NMNAT3: variants seen among roughly 807,000 people sequenced by gnomAD.
NMNAT3 encodes the protein nicotinamide nucleotide adenylyltransferase 3, also known as nicotinamide/nicotinic acid mononucleotide adenylyltransferase 3.
A neutral mutation model predicts 24.8 loss-of-function variants in NMNAT3; 21 were observed. The ratio of observed to expected loss-of-function variants is 0.85; its 90% CI spans 0.60 to 1.22. NMNAT3 has a LOEUF of 1.22. NMNAT3 is among the 50% of genes most tolerant of loss of function. NMNAT3 has a pLI of 0.00. For missense variants in NMNAT3, 387 were observed against 436.6 expected (o/e 0.89, Z 1.01); for synonymous variants, 136 against 155.2 (o/e 0.88, Z 0.92).
At chr3:139,587,800 G>C (rs990883360) in intron 3 of NMNAT3, among the ~76,000 whole-genome samples, 1 of 152,164 alleles carries the variant, frequency 6.6e-6, no homozygotes, top group African/African-American at 2.4e-5. Flanking sequence ...AAAAGAAATG[G>C]GGGTTGGGAG....
At chr3:139,631,222 C>T (rs2056283989) in intron 2 of NMNAT3, among the ~76,000 whole-genome samples, 1 of 151,994 alleles carries the variant, frequency 6.6e-6, no homozygotes, top group Non-Finnish European at 1.5e-5. Context: ...GTGCACATTC[C>T]CAGGATCAGT....
rs186563486 is a variant in NMNAT3, at chr3:139,581,136, C to T, written c.391+1791G>A. On this transcript the variant is annotated intron_variant, in intron 4 of 6. Transcript: ENST00000643695. ...TCAGACAATTGACCTGTCCTCTTCA[C>T]AAAAGTCTAAGTCATGAAAAACAAA... is the stretch of plus-strand genomic sequence containing the variant. Among the ~76,000 whole-genome samples the T allele has an allele frequency of 7.9e-5, 12 of 152,102 alleles. No individual in the cohort carries two copies. In the East Asian group the frequency reaches 2.3e-3, roughly 29 times the overall value.
rs191560878 is a variant in NMNAT3, at chr3:139,671,567, T to C, written c.-141+6138A>G. Among the ~76,000 whole-genome samples, 44 of 152,106 alleles carry C rather than the reference T, an allele frequency of 2.9e-4. No individual in the cohort carries two copies. In the East Asian group the frequency reaches 7.9e-3, roughly 27 times the overall value. ...TTATCATCGACGGTCCTTTGATTAC[T>C]TACAAAACACAACATGAGTAACAGA... On this transcript the variant is annotated intron_variant, in intron 1 of 6. Transcript: ENST00000643695.
At chr3:139,670,189 A>T (rs2057713287) in intron 1 of NMNAT3, among the ~76,000 whole-genome samples, 1 of 152,172 alleles carries the variant, frequency 6.6e-6, no homozygotes, top group South Asian at 2.1e-4. Context: ...GATAATGTTC[A>T]TGGTGTTAAA....
intron 3 of NMNAT3, among the ~76,000 whole-genome samples, chr3:139,614,061 T>C (rs1006155067): frequency 1.3e-5 from 2 of 151,844 alleles, no homozygotes; most frequent in East Asian, 1.9e-4. Flanking sequence ...GGGTGCAGCA[T>C]ACCAACATGG....
At chr3:139,578,639 T>G (rs1473753481) in intron 5 of NMNAT3, among the ~76,000 whole-genome samples, 2 of 152,242 alleles carry the variant, frequency 1.3e-5, no homozygotes, top group Non-Finnish European at 2.9e-5. Context: ...GTTGGGTGTT[T>G]CCACAAAGTG....
At chr3:139,572,513 C>T (rs1938556327) in intron 6 of NMNAT3, among the ~76,000 whole-genome samples, 1 of 152,166 alleles carries the variant, frequency 6.6e-6, no homozygotes, top group South Asian at 2.1e-4. Context: ...GCTCTACTCC[C>T]ACTCAGAAGG....
At chr3:139,613,949 G>GACACAGGAAGGGGAACATC in intron 3 of NMNAT3, among the ~76,000 whole-genome samples, 1 of 151,830 alleles carries the variant, frequency 6.6e-6, no homozygotes, top group Admixed American at 6.6e-5. Flanking sequence ...AGAACACATG[G>GACACAGGAAGGGGAACATC]ACACAGGAAG....
intron 3 of NMNAT3, among the ~76,000 whole-genome samples, chr3:139,608,590 T>C (rs557839902): frequency 6.6e-5 from 10 of 152,338 alleles, no homozygotes; most frequent in Non-Finnish European, 1.0e-4. Flanking sequence ...GATTTACATA[T>C]AGTTGTAGAA....
intron 4 of NMNAT3, among the ~76,000 whole-genome samples, chr3:139,582,639 CAAAAAAA>C (rs58495559): frequency 8.7e-5 from 5 of 57,476 alleles, no homozygotes; most frequent in Admixed American, 3.1e-4. Flanking sequence ...GGGACTGTCT[CAAAAAAA>C]AAAAAAAAAA....
At chr3:139,608,524 TTTAA>T (rs1405986877) in intron 3 of NMNAT3, among the ~76,000 whole-genome samples, 1 of 152,212 alleles carries the variant, frequency 6.6e-6, no homozygotes, top group African/African-American at 2.4e-5. Context: ...TTAATTAACA[TTTAA>T]TTAATCAAAT....
intron 3 of NMNAT3, among the ~76,000 whole-genome samples, chr3:139,621,772 A>G (rs1248257361): frequency 6.6e-6 from 1 of 152,142 alleles, no homozygotes; most frequent in Non-Finnish European, 1.5e-5. Context: ...GTCTCCGTTA[A>G]CTATCTTTCC....
rs1444659936 is a variant in NMNAT3, at chr3:139,578,927, C to T, written c.520G>A (p.Val174Met). 8 of 1,614,092 alleles carry T rather than the reference C, an allele frequency of 5.0e-6. No homozygotes were observed. Among genetic ancestry groups the T allele is most frequent in the Admixed American group, 3.3e-5 (2 of 60,012 alleles). Residue 174 changes from valine to methionine, a missense_variant, in exon 5 of 7, where the codon GTG (valine) becomes ATG (methionine). Coordinates refer to ENST00000643695, the MANE Select transcript of NMNAT3 (RefSeq NM_001320510.2). ...GCCTGCTCACTCTCCCAAGGGTCCA[C>T]CCGGATCCAGTCGGATGTCTGCAGG...
At chr3:139,582,190 C>CAAAA (rs756159164) in intron 4 of NMNAT3, among the ~76,000 whole-genome samples, 22 of 23,014 alleles carry the variant, frequency 9.6e-4, no homozygotes, top group Admixed American at 3.1e-3. Flanking sequence ...GACTCCCTCT[C>CAAAA]AAAAAAAAAA....
At chr3:139,653,398 G>T (rs906095481) in intron 1 of NMNAT3, among the ~76,000 whole-genome samples, 1 of 152,162 alleles carries the variant, frequency 6.6e-6, no homozygotes, top group Non-Finnish European at 1.5e-5. Context: ...ATGCTTATGT[G>T]AGTTGAAGCC....
In NMNAT3 at chr3:139,627,615, C is replaced by T; in HGVS notation, c.109+1G>A. 1.3e-6 allele frequency: 2 copies of T among 1,571,714 alleles called. No homozygotes were observed. The highest frequency in any genetic ancestry group is 1.2e-5 in the South Asian group (1 of 86,948). ...GTTGGACTCAGGGCCCCCTGACTGA[C>T]CTGTTTGGTGTAGGTGATCTCTGGC... On this transcript the variant is annotated splice_donor_variant, in intron 3 of 6. Transcript: ENST00000643695. LOFTEE classifies it high-confidence loss of function.
At chr3:139,610,354 A>AT (rs1171905342) in intron 3 of NMNAT3, among the ~76,000 whole-genome samples, 13 of 152,216 alleles carry the variant, frequency 8.5e-5, no homozygotes, top group South Asian at 6.2e-4. Context: ...AAGAAGGAAA[A>AT]TGCTGTTTGT....
chr3:139,672,271 A>T (rs1472057353), intron 1 of NMNAT3, among the ~76,000 whole-genome samples: 4 of 152,170 alleles, frequency 2.6e-5, no homozygotes, highest in Non-Finnish European at 4.4e-5. Flanking sequence ...CATTTTTATA[A>T]GAGAAAGCAA....
chr3:139,629,106 G>T (rs1482181658), intron 2 of NMNAT3, among the ~76,000 whole-genome samples: 1 of 152,136 alleles, frequency 6.6e-6, no homozygotes, highest in Non-Finnish European at 1.5e-5. Context: ...AGCAGTAGTG[G>T]TTACCACTTC....
Sources: allele counts gnomAD v4.1 joint callset (sites outside exome capture counted in the v4.1 genomes callset), GRCh38; gene constraint gnomAD v4.1.1; transcripts MANE v1.5; gene names NCBI Gene and HGNC (gene_info 2026-07-23, HGNC 2026-07-21).